Variants in AP3S1 observed in about 807,000 individuals in gnomAD.
The protein encoded by AP3S1 is adaptor related protein complex 3 subunit sigma 1, also known as AP-3 complex subunit sigma-1.
A neutral mutation model predicts 21.3 loss-of-function variants in AP3S1; 12 were observed. The ratio of observed to expected loss-of-function variants is 0.56; its 90% CI spans 0.36 to 0.91. The LOEUF (loss-of-function observed/expected upper bound fraction) is 0.91, where lower values mean the gene tolerates loss of function less well. AP3S1 is among the 40% of genes least tolerant of loss of function. The pLI is 0.01. For synonymous variants in AP3S1, 48 were observed against 78.4 expected, an observed-to-expected ratio of 0.61 and a Z score of 2.05; for missense variants, 116 against 225.0, an observed-to-expected ratio of 0.52 and a Z score of 3.10.
At chr5:115,870,157 T>A in intron 3 of AP3S1, 29 bp downstream of exon 3, 1 of 1,216,616 alleles carries the variant, frequency 8.2e-7, no homozygotes, top group Non-Finnish European at 1.2e-6. Flanking sequence ...CTTACTATCT[T>A]AAATAACAGT....
At chr5:115,852,472 C>T (rs1762505743) in intron 1 of AP3S1, among the ~76,000 whole-genome samples, 1 of 152,062 alleles carries the variant, frequency 6.6e-6, no homozygotes, top group African/African-American at 2.4e-5. Flanking sequence ...AAATATAGCT[C>T]TCACATGCTA....
At chr5:115,843,220 A>C (rs960856597) in intron 1 of AP3S1, among the ~76,000 whole-genome samples, 2 of 152,216 alleles carry the variant, frequency 1.3e-5, no homozygotes, top group Non-Finnish European at 2.9e-5. Flanking sequence ...TGAGCTTTCA[A>C]TTCAATTTTG....
chr5:115,886,213 C>T (rs1749767885), intron 3 of AP3S1, among the ~76,000 whole-genome samples: 1 of 152,176 alleles, frequency 6.6e-6, no homozygotes, highest in African/African-American at 2.4e-5. Context: ...GCAGTCGGAA[C>T]AGTGGTAATG....
intron 4 of AP3S1, among the ~76,000 whole-genome samples, chr5:115,902,228 A>AT (rs773081139): frequency 1.3e-5 from 2 of 152,168 alleles, no homozygotes; most frequent in Non-Finnish European, 2.9e-5. Flanking sequence ...TGAATTGTTG[A>AT]TTTTTTGATC....
intron 1 of AP3S1, among the ~76,000 whole-genome samples, chr5:115,855,242 T>C (rs1762722749): frequency 6.6e-6 from 1 of 152,102 alleles, no homozygotes; most frequent in African/African-American, 2.4e-5. Flanking sequence ...TTTCACCATG[T>C]TGATCAGGCT....
At chr5:115,898,051 G>T (rs915576943) in intron 4 of AP3S1, among the ~76,000 whole-genome samples, 1 of 152,170 alleles carries the variant, frequency 6.6e-6, no homozygotes, top group East Asian at 1.9e-4. Context: ...ACAAAAAAGG[G>T]TTATTTCCCA....
intron 4 of AP3S1, among the ~76,000 whole-genome samples, chr5:115,901,642 C>G (rs1751223798): frequency 6.6e-6 from 1 of 151,642 alleles, no homozygotes; most frequent in Non-Finnish European, 1.5e-5. Context: ...GCACCCTCCA[C>G]TTCCCGGGCT....
chr5:115,908,633 C>A (rs150003322), intron 5 of AP3S1, among the ~76,000 whole-genome samples: 1 of 151,766 alleles, frequency 6.6e-6, no homozygotes, highest in Non-Finnish European at 1.5e-5. Context: ...GAAGATAATC[C>A]GTACAAAATG....
At chr5:115,894,239 C>T (rs1164911338) in intron 3 of AP3S1, among the ~76,000 whole-genome samples, 1 of 152,194 alleles carries the variant, frequency 6.6e-6, no homozygotes, top group Non-Finnish European at 1.5e-5. Context: ...ATAATGTGTA[C>T]AGAGTATTCC....
chr5:115,887,476 C>G (rs1749898570), intron 3 of AP3S1, among the ~76,000 whole-genome samples: 1 of 150,728 alleles, frequency 6.6e-6, no homozygotes, highest in Non-Finnish European at 1.5e-5. Flanking sequence ...CTTAGAAACT[C>G]AAAAAGGGGT....
At chr5:115,866,235 G>C (rs1763605998) in intron 1 of AP3S1, among the ~76,000 whole-genome samples, 9 of 152,160 alleles carry the variant, frequency 5.9e-5, no homozygotes, top group Admixed American at 5.9e-4. Flanking sequence ...ATTTAGTAAA[G>C]GTTAAACTTA....
At chr5:115,864,760 G>A (rs899941529) in intron 1 of AP3S1, among the ~76,000 whole-genome samples, 2 of 152,190 alleles carry the variant, frequency 1.3e-5, no homozygotes, top group Non-Finnish European at 2.9e-5. Context: ...ATCTAAGAGC[G>A]CATAGCACAA....
At chr5:115,848,133 G>T (rs1762190582) in intron 1 of AP3S1, among the ~76,000 whole-genome samples, 1 of 142,156 alleles carries the variant, frequency 7.0e-6, no homozygotes, top group African/African-American at 2.9e-5. Flanking sequence ...GGCCTTACGT[G>T]ACGTACCTAT....
At chr5:115,859,817 A>T (rs1449482995) in intron 1 of AP3S1, among the ~76,000 whole-genome samples, 1 of 152,220 alleles carries the variant, frequency 6.6e-6, no homozygotes, top group Non-Finnish European at 1.5e-5. Flanking sequence ...GACGGTGAAG[A>T]AGGCCTGCCT....
intron 1 of AP3S1, among the ~76,000 whole-genome samples, chr5:115,855,809 A>G (rs911740284): frequency 1.3e-5 from 2 of 151,996 alleles, no homozygotes; most frequent in Non-Finnish European, 2.9e-5. Flanking sequence ...TTTAACATTT[A>G]CCAGAGTGAA....
At chr5:115,902,096 T>C (rs1751267267) in intron 4 of AP3S1, among the ~76,000 whole-genome samples, 1 of 152,210 alleles carries the variant, frequency 6.6e-6, no homozygotes, top group Admixed American at 6.5e-5. Context: ...GGGCTACAAG[T>C]AATAAGTGGT....
chr5:115,890,448 T>C (rs1018118385), intron 3 of AP3S1, among the ~76,000 whole-genome samples: 3 of 152,198 alleles, frequency 2.0e-5, no homozygotes, highest in Non-Finnish European at 4.4e-5. Context: ...CAGACATAGA[T>C]AAAATGTATT....
intron 5 of AP3S1, chr5:115,906,849 A>G: frequency 3.3e-6 from 5 of 1,522,140 alleles, no homozygotes; most frequent in Non-Finnish European, 4.4e-6. Flanking sequence ...CCCAGACAGG[A>G]CAGGTAGACA....
chr5:115,906,922 C>G, intron 5 of AP3S1: 1 of 1,446,584 alleles, frequency 6.9e-7, no homozygotes, highest in Non-Finnish European at 9.1e-7. Context: ...ATGTCAAAGG[C>G]AATTAATTAT....
Sources: allele counts gnomAD v4.1 joint callset (sites outside exome capture counted in the v4.1 genomes callset), GRCh38; gene constraint gnomAD v4.1.1; transcripts MANE v1.5; gene names NCBI Gene and HGNC (gene_info 2026-07-23, HGNC 2026-07-21).